The following CHRM3 variants were observed in gnomAD, a reference collection of about 807,000 sequenced individuals.
The protein encoded by CHRM3 is muscarinic acetylcholine receptor M3.
In CHRM3, 11 loss-of-function variants were observed where a neutral mutation model predicts 41.8. The observed-to-expected ratio is 0.26, with a 90% confidence interval of 0.17 to 0.44. CHRM3 has a LOEUF of 0.44. CHRM3 is among the 20% of genes least tolerant of loss of function. CHRM3 has a pLI of 1.00. For synonymous variants in CHRM3, 297 were observed against 301.4 expected, an observed-to-expected ratio of 0.99 and a Z score of 0.15; for missense variants, 571 against 745.4, an observed-to-expected ratio of 0.77 and a Z score of 2.72.
chr1:239,890,486 C>G (rs1412339243), intron 6 of CHRM3, among the ~76,000 whole-genome samples: 3 of 152,110 alleles, frequency 2.0e-5, no homozygotes, highest in Non-Finnish European at 4.4e-5. Flanking sequence ...CATCAGTGTC[C>G]TCATACATAC....
At chr1:239,873,592 G>A (rs1212196675) in intron 6 of CHRM3, among the ~76,000 whole-genome samples, 3 of 151,894 alleles carry the variant, frequency 2.0e-5, no homozygotes, top group African/African-American at 7.3e-5. Flanking sequence ...AACATGCAGT[G>A]TTTGGTTTTC....
intron 5 of CHRM3, among the ~76,000 whole-genome samples, chr1:239,814,420 G>A (rs1400380362): frequency 6.6e-6 from 1 of 152,138 alleles, no homozygotes; most frequent in Non-Finnish European, 1.5e-5. Context: ...AAAGCTGCCT[G>A]GGGCTGGAGA....
At chr1:239,695,958 G>A (rs147534361) in intron 5 of CHRM3, among the ~76,000 whole-genome samples, 1 of 152,066 alleles carries the variant, frequency 6.6e-6, no homozygotes, top group African/African-American at 2.4e-5. Context: ...ACCTGTATAC[G>A]CATTGTTATA....
intron 5 of CHRM3, among the ~76,000 whole-genome samples, chr1:239,692,998 T>C (rs1478801160): frequency 6.6e-6 from 1 of 152,226 alleles, no homozygotes; most frequent in Non-Finnish European, 1.5e-5. Flanking sequence ...ACTTTGTAAG[T>C]GTACATCTTA....
chr1:239,579,751 ATAGTAC>A (rs1370241946), intron 3 of CHRM3, among the ~76,000 whole-genome samples: 2 of 152,222 alleles, frequency 1.3e-5, no homozygotes, highest in African/African-American at 4.8e-5. Context: ...TGACACTTAC[ATAGTAC>A]TCACTGTATG....
At chr1:239,488,416 TA>T (rs991042861) in intron 1 of CHRM3, among the ~76,000 whole-genome samples, 1 of 151,820 alleles carries the variant, frequency 6.6e-6, no homozygotes, top group African/African-American at 2.4e-5. Context: ...TTAAAGCAAT[TA>T]AAAAGGAATT....
At chr1:239,587,893 C>T (rs1663589163) in intron 3 of CHRM3, among the ~76,000 whole-genome samples, 1 of 152,208 alleles carries the variant, frequency 6.6e-6, no homozygotes, top group Non-Finnish European at 1.5e-5. Context: ...GGTTTTCTCA[C>T]ATATGCTAAT....
chr1:239,811,525 T>A (rs910024291), intron 5 of CHRM3, among the ~76,000 whole-genome samples: 4 of 152,228 alleles, frequency 2.6e-5, no homozygotes, highest in Middle Eastern at 3.2e-3. Context: ...CTAACAAAGC[T>A]ATTCACAGAC....
At chr1:239,510,130 C>T (rs1317640837) in intron 2 of CHRM3, among the ~76,000 whole-genome samples, 1 of 152,122 alleles carries the variant, frequency 6.6e-6, no homozygotes, top group African/African-American at 2.4e-5. Context: ...AGCTATTTAC[C>T]TTACCTTTGT....
In CHRM3 at chr1:239,799,261, G is replaced by T. The variant is rs908410808; in HGVS notation, c.-146-27991G>T. On this transcript the variant is annotated intron_variant, in intron 5 of 6. Coordinates refer to ENST00000676153, the MANE Select transcript of CHRM3 (RefSeq NM_001375978.1). Reference sequence around the variant, plus strand: ...GAGAGAGCAACTTAAGTGATGAGGAGTGGAGTGCACTGGATTGAATGAGTT... The same window carrying T: ...GAGAGAGCAACTTAAGTGATGAGGATTGGAGTGCACTGGATTGAATGAGTT... Among the ~76,000 whole-genome samples, 7 of 152,298 alleles carry T rather than the reference G, an allele frequency of 4.6e-5. No individual in the cohort carries two copies. In the East Asian group the frequency reaches 1.4e-3, roughly 29 times the overall value.
chr1:239,657,686 A>G (rs151201674), intron 4 of CHRM3, among the ~76,000 whole-genome samples: 1 of 152,228 alleles, frequency 6.6e-6, no homozygotes, highest in South Asian at 2.1e-4. Flanking sequence ...TGGCAAAACC[A>G]CTTGAATACA....
chr1:239,870,575 C>G (rs901941842), intron 6 of CHRM3, among the ~76,000 whole-genome samples: 2 of 152,128 alleles, frequency 1.3e-5, no homozygotes, highest in Non-Finnish European at 2.9e-5. Context: ...TTTTATTGTT[C>G]ATTCCTTTGT....
At chr1:239,635,017 A>T (rs1670305068) in intron 4 of CHRM3, among the ~76,000 whole-genome samples, 1 of 152,244 alleles carries the variant, frequency 6.6e-6, no homozygotes, top group Non-Finnish European at 1.5e-5. Flanking sequence ...ATATCTATTC[A>T]AAGCTACAGT....
chr1:239,591,607 A>T (rs983687725), intron 3 of CHRM3, among the ~76,000 whole-genome samples: 1 of 139,666 alleles, frequency 7.2e-6, no homozygotes, highest in Non-Finnish European at 1.5e-5. Flanking sequence ...CTTGGAGATG[A>T]AAAAAAAAAA....
At chr1:239,439,900 G>A (rs1054128324) in intron 1 of CHRM3, among the ~76,000 whole-genome samples, 2 of 152,084 alleles carry the variant, frequency 1.3e-5, no homozygotes, top group Admixed American at 1.3e-4. Context: ...ATCAGGAAGT[G>A]TAAAAACCTC....
chr1:239,501,499 G>A (rs1335022164), intron 2 of CHRM3, among the ~76,000 whole-genome samples: 1 of 152,134 alleles, frequency 6.6e-6, no homozygotes, highest in Admixed American at 6.5e-5. Flanking sequence ...CAAATATATG[G>A]AAATTAACCT....
At chr1:239,801,838 T>C (rs774856504) in intron 5 of CHRM3, among the ~76,000 whole-genome samples, 2 of 152,022 alleles carry the variant, frequency 1.3e-5, no homozygotes. Context: ...TAGAACTTTC[T>C]AGAAGCTTTT....
intron 1 of CHRM3, among the ~76,000 whole-genome samples, chr1:239,390,462 T>C (rs1658927514): frequency 6.6e-6 from 1 of 152,202 alleles, no homozygotes; most frequent in Admixed American, 6.5e-5. Context: ...TGAAAGGCCC[T>C]ATCTTCTCCA....
At chr1:239,452,759 C>T (rs1664644585) in intron 1 of CHRM3, among the ~76,000 whole-genome samples, 2 of 152,088 alleles carry the variant, frequency 1.3e-5, no homozygotes, top group Non-Finnish European at 2.9e-5. Context: ...AAAACATACT[C>T]TTTCTGTATT....
Sources: gnomAD v4.1 joint callset for allele counts (sites outside exome capture counted in the v4.1 genomes callset) on GRCh38, gnomAD v4.1.1 for gene constraint, MANE v1.5 for transcripts, NCBI Gene and HGNC (gene_info 2026-07-23, HGNC 2026-07-21) for gene names.